DCAF5: variants seen among roughly 807,000 people sequenced by gnomAD.
The protein encoded by DCAF5 is DDB1 and CUL4 associated factor 5.
In DCAF5, 9 loss-of-function variants were observed where a neutral mutation model predicts 80.7. That is an observed-to-expected ratio of 0.11 (90% CI 0.07 to 0.19). The LOEUF is 0.19. DCAF5 is among the 10% of genes least tolerant of loss of function. DCAF5 has a pLI of 1.00. For synonymous variants in DCAF5, 433 were observed against 461.9 expected, an observed-to-expected ratio of 0.94 and a Z score of 0.80; for missense variants, 842 against 1,205.7, an observed-to-expected ratio of 0.70 and a Z score of 4.47.
chr14:69,085,640 T>A (rs78843288), intron 6 of DCAF5, among the ~76,000 whole-genome samples: 1 of 152,332 alleles, frequency 6.6e-6, no homozygotes, highest in East Asian at 1.9e-4. Flanking sequence ...TGTGATGATA[T>A]AATATTTTAA....
At chr14:69,068,056 C>T (rs1367178958) in intron 7 of DCAF5, among the ~76,000 whole-genome samples, 1 of 152,184 alleles carries the variant, frequency 6.6e-6, no homozygotes, top group African/African-American at 2.4e-5. Flanking sequence ...AAAACTTTAC[C>T]AATCTTCCCA....
intron 5 of DCAF5, among the ~76,000 whole-genome samples, chr14:69,105,928 T>TGTC (rs2040131690): frequency 1.2e-5 from 1 of 82,676 alleles, no homozygotes; most frequent in South Asian, 3.1e-4. Context: ...TATATATATA[T>TGTC]ATATATATAT....
chr14:69,072,503 G>C (rs1448159390), intron 7 of DCAF5, among the ~76,000 whole-genome samples: 1 of 151,882 alleles, frequency 6.6e-6, no homozygotes, highest in East Asian at 1.9e-4. Flanking sequence ...AGATACTTGG[G>C]AGGCTTAGGC....
rs551543266 is a variant in DCAF5 at position 69,053,590 on chromosome 14, G to A, written c.*267C>T. 15 of 413,392 alleles carry A rather than the reference G, an allele frequency of 3.6e-5. No homozygotes were observed. Among genetic ancestry groups the A allele is most frequent in the East Asian group, 2.6e-4 (6 of 22,706 alleles). The allele number at this position is 413,392 out of a possible 1,614,324, so 25.6% of individuals were successfully genotyped here. The stretch of plus-strand genomic sequence containing the variant: ...GATTTACTTCCACAGAGCCTTGCGC[G>A]GCACACTACGCTCACGTCTCACTAG... On this transcript the variant is annotated 3_prime_UTR_variant, in exon 9 of 9. Transcript: ENST00000341516.
chr14:69,066,794 G>T (rs781554529), intron 7 of DCAF5, among the ~76,000 whole-genome samples: 2 of 152,154 alleles, frequency 1.3e-5, no homozygotes, highest in Non-Finnish European at 2.9e-5. Flanking sequence ...TCAGCCAGGG[G>T]TTTATTGCCT....
chr14:69,140,605 A>G (rs2041337413), intron 1 of DCAF5, among the ~76,000 whole-genome samples: 1 of 152,200 alleles, frequency 6.6e-6, no homozygotes, highest in African/African-American at 2.4e-5. Context: ...TCAACTCTAC[A>G]AAGAACAACA....
At position 69,152,660 on chromosome 14, in the gene DCAF5, G is replaced by A. The variant is rs1044041691; in HGVS notation, c.214+105C>T. The stretch of plus-strand genomic sequence containing the variant: ...CCACCGCAGAAGGGGGTAGAGAAAG[G>A]GAGGGGGTGGGGACAGAGGGCAGGA... On this transcript the variant is annotated intron_variant, in intron 1 of 8. Transcript: ENST00000341516. This position sits in a 1 kb window ranked among gnomAD's most constrained non-coding sequence, Gnocchi z 4.1. 8.8e-6 allele frequency: 7 copies of A among 796,810 alleles called. No individual in the cohort carries two copies. Among genetic ancestry groups the A allele is most frequent in the Non-Finnish European group, 1.4e-5 (7 of 504,442 alleles). 49.4% of individuals were successfully genotyped at this position (796,810 alleles called of 1,614,324 possible).
At chr14:69,082,088 T>C (rs138637532) in intron 6 of DCAF5, among the ~76,000 whole-genome samples, 2 of 152,332 alleles carry the variant, frequency 1.3e-5, no homozygotes, top group African/African-American at 2.4e-5. Flanking sequence ...GGAAAAACAA[T>C]GTGATTGAAA....
Position 69,053,667 on chromosome 14 carries a change from C to T in DCAF5, c.*190G>A, listed in dbSNP as rs2037834000. 1.3e-5 allele frequency: 8 copies of T among 593,170 alleles called. No homozygotes were observed. The highest frequency in any genetic ancestry group is 2.0e-5 in the Non-Finnish European group (7 of 348,412). The allele number at this position is 593,170 out of a possible 1,614,324, so 36.7% of individuals were successfully genotyped here. A position where few individuals can be genotyped will look rare whatever the true frequency, so the allele number is the denominator to read the frequency against. ...TTCCCCTTTCTTAACACAGCACAAGCCAATGGCCAGCTAGACATTCAGACC... is the reference window on the plus strand; with the variant it reads ...TTCCCCTTTCTTAACACAGCACAAGTCAATGGCCAGCTAGACATTCAGACC... On this transcript the variant is annotated 3_prime_UTR_variant, in exon 9 of 9. Transcript: ENST00000341516.
Position 69,098,659 on chromosome 14 carries a change from G to A in DCAF5, c.666-6772C>T, listed in dbSNP as rs554223624. On this transcript the variant is annotated intron_variant, in intron 5 of 8. Coordinates refer to ENST00000341516, the MANE Select transcript of DCAF5 (RefSeq NM_003861.3). ...AGCACTTTGGGAGGCCGAGACAGGC[G>A]GATCACGAGGTCAGGAGATCAAGAC... 9.4e-4 allele frequency among the ~76,000 whole-genome samples: 136 copies of A among 144,600 alleles called. 1 individual carries two copies. Among genetic ancestry groups the A allele is most frequent in the Middle Eastern group, 4.2e-3 (1 of 240 alleles). 94.9% of individuals were successfully genotyped at this position (144,600 alleles called of 152,430 possible).
At chr14:69,085,042 G>A (rs1262688323) in intron 6 of DCAF5, 5 of 1,280,886 alleles carry the variant, frequency 3.9e-6, no homozygotes, top group Non-Finnish European at 5.7e-6. Context: ...GACTTTTCCT[G>A]GTCTAAAATT....
In DCAF5 at chr14:69,055,042, G is replaced by A. The variant is rs779212305; in HGVS notation, c.1644C>T (p.Pro548=). The A allele has an allele frequency of 9.8e-5, 158 of 1,614,126 alleles. No individual in the cohort carries two copies. Among genetic ancestry groups the A allele is most frequent in the South Asian group, 1.6e-4 (15 of 91,084 alleles). ...CTTCGGGGCTGGGTGACCGTGGCCGGGGAAAGAGATCTGTGTCTAGTTCCA... is the reference window on the plus strand; with the variant it reads ...CTTCGGGGCTGGGTGACCGTGGCCGAGGAAAGAGATCTGTGTCTAGTTCCA... ...CEVELDTDLF[P]RPRSPSPEDE... Residue 548 remains proline (P), a synonymous_variant, in exon 9 of 9, where the codon CCC becomes CCT. Coordinates refer to ENST00000341516, the MANE Select transcript of DCAF5 (RefSeq NM_003861.3). The surrounding 1 kb of genome is among the most constrained non-coding windows in gnomAD (Gnocchi z 5.6).
Position 69,091,611 on chromosome 14 carries a change from T to C in DCAF5, c.879+63A>G, listed in dbSNP as rs1409829756. ...AATGGTAATGAGAAATAAAGACCAG[T>C]ATAGAAAGAACAATCAGAAAGAAAA... On this transcript the variant is annotated intron_variant, in intron 6 of 8. Coordinates refer to ENST00000341516, the MANE Select transcript of DCAF5 (RefSeq NM_003861.3). 4 of 1,436,152 alleles carry C rather than the reference T, an allele frequency of 2.8e-6. No individual in the cohort carries two copies. The Admixed American group carries it at 5.2e-5, about 19-fold the overall frequency. 89.0% of individuals were successfully genotyped at this position (1,436,152 alleles called of 1,614,324 possible).
intron 1 of DCAF5, among the ~76,000 whole-genome samples, chr14:69,150,767 C>T (rs1329005134): frequency 2.0e-5 from 3 of 151,978 alleles, no homozygotes; most frequent in East Asian, 3.9e-4. Flanking sequence ...TAGCACCTGC[C>T]TGTAGTCCCA....
At chr14:69,078,697 T>A (rs1470562773) in intron 6 of DCAF5, among the ~76,000 whole-genome samples, 1 of 152,132 alleles carries the variant, frequency 6.6e-6, no homozygotes, top group African/African-American at 2.4e-5. Flanking sequence ...ACTAGAGTAG[T>A]CATGAAAATT....
Position 69,055,044 on chromosome 14 carries a change from G to A in DCAF5, c.1642C>T (p.Pro548Ser). 2 of 1,614,254 alleles carry A rather than the reference G, an allele frequency of 1.2e-6. No homozygotes were observed. The highest frequency in any genetic ancestry group is 1.7e-6 in the Non-Finnish European group (2 of 1,180,036). The change falls in exon 9 of 9, where the codon CCC (proline) becomes TCC (serine). Residue 548 changes from proline (P) to serine (S), a missense_variant. By Grantham distance (74) the Pro-to-Ser change is moderately conservative. Around this residue, in one of 5 missense-constraint regions of DCAF5, gnomAD observed 607 missense variants for 656.6 expected, o/e 0.92. Transcript: ENST00000341516. This position sits in a 1 kb window ranked among gnomAD's most constrained non-coding sequence, Gnocchi z 5.6. ...TCGGGGCTGGGTGACCGTGGCCGGG[G>A]AAAGAGATCTGTGTCTAGTTCCACC... ...CEVELDTDLF[P>S]RPRSPSPEDE...
intron 5 of DCAF5, among the ~76,000 whole-genome samples, chr14:69,104,390 A>C (rs567265570): frequency 6.6e-6 from 1 of 152,308 alleles, no homozygotes; most frequent in South Asian, 2.1e-4. Flanking sequence ...ATTTAAAAAA[A>C]TCAAACCTGA....
At chr14:69,126,511 T>C (rs1348794299) in intron 1 of DCAF5, among the ~76,000 whole-genome samples, 1 of 152,152 alleles carries the variant, frequency 6.6e-6, no homozygotes, top group Non-Finnish European at 1.5e-5. Flanking sequence ...ATGGATTCAA[T>C]GCAATCCCAC....
chr14:69,095,757 A>G (rs1171266509), intron 5 of DCAF5, among the ~76,000 whole-genome samples: 1 of 152,198 alleles, frequency 6.6e-6, no homozygotes, highest in Non-Finnish European at 1.5e-5. Context: ...GGCTCTGTGG[A>G]CCTAGATTAC....
Sources: gnomAD v4.1 joint callset for allele counts (sites outside exome capture counted in the v4.1 genomes callset) on GRCh38, gnomAD v4.1.1 for gene constraint, gnomAD v4.1.1 regional missense constraint, Gnocchi (gnomAD v3.1) non-coding constraint, MANE v1.5 for transcripts, NCBI Gene and HGNC (gene_info 2026-07-23, HGNC 2026-07-21) for gene names.